The following MORN1 variants were observed in gnomAD, a reference collection of about 807,000 sequenced individuals.
The protein encoded by MORN1 is MORN repeat containing 1.
A neutral mutation model predicts 61.9 loss-of-function variants in MORN1; 67 were observed. The ratio of observed to expected loss-of-function variants is 1.08; its 90% CI spans 0.89 to 1.33. MORN1 has a LOEUF of 1.33. Among genes scored for constraint, MORN1 ranks in the 40% most tolerant of loss-of-function variants. The pLI, the probability that MORN1 is intolerant of heterozygous loss-of-function variation, is 0.00. For missense variants in MORN1, 752 were observed against 691.2 expected (o/e 1.09, Z -0.99); for synonymous variants, 301 against 292.0 (o/e 1.03, Z -0.31).
intron 8 of MORN1, among the ~76,000 whole-genome samples, chr1:2,364,775 A>T (rs1205507643): frequency 6.6e-6 from 1 of 152,102 alleles, no homozygotes; most frequent in East Asian, 1.9e-4. Context: ...AGCTTTCTAC[A>T]TATGGCTAGC....
chr1:2,342,852 ATTTTATTTTATTTTATTTATTTTAT>A (rs1641425480), intron 10 of MORN1, among the ~76,000 whole-genome samples: 1 of 101,326 alleles, frequency 9.9e-6, no homozygotes, highest in Non-Finnish European at 2.0e-5. Flanking sequence ...ATTTTATTTT[ATTTTATTTTATTTTATTTATTTTAT>A]TTTATTTTAT....
At chr1:2,322,754 C>G (rs919919965) in intron 13 of MORN1, 1 of 985,342 alleles carries the variant, frequency 1.0e-6, no homozygotes, top group African/African-American at 1.7e-5. Context: ...CCAGTGGTGG[C>G]CAAGGCGCTG....
At chr1:2,384,346 G>A (rs547781663) in intron 6 of MORN1, among the ~76,000 whole-genome samples, 5 of 152,316 alleles carry the variant, frequency 3.3e-5, no homozygotes, top group South Asian at 2.1e-4. Flanking sequence ...TCACGGGGCC[G>A]CTGCCCCATT....
intron 10 of MORN1, among the ~76,000 whole-genome samples, chr1:2,341,465 G>C (rs1641393142): frequency 1.3e-5 from 2 of 152,160 alleles, no homozygotes; most frequent in Admixed American, 1.3e-4. Flanking sequence ...GGCCAAAGCA[G>C]GCGGATCAGG....
At chr1:2,388,019 A>C in intron 3 of MORN1, 1 of 531,046 alleles carries the variant, frequency 1.9e-6, no homozygotes, top group Non-Finnish European at 3.3e-6. Context: ...TGGGACAGAT[A>C]AATCTTTATT....
intron 13 of MORN1, chr1:2,323,388 A>C: frequency 1.0e-6 from 1 of 985,412 alleles, no homozygotes. Flanking sequence ...CCAGAACCCC[A>C]GAGACACCAG....
intron 8 of MORN1, among the ~76,000 whole-genome samples, chr1:2,365,810 T>C (rs1641984769): frequency 6.6e-6 from 1 of 151,758 alleles, no homozygotes; most frequent in African/African-American, 2.4e-5. Flanking sequence ...TGGCAATCAT[T>C]AAAAAGTCAG....
In MORN1 at chr1:2,323,457, C is replaced by T. The variant is rs184792982; in HGVS notation, c.1297+640G>A. 62 of 985,416 alleles carry T rather than the reference C, an allele frequency of 6.3e-5. No individual in the cohort carries two copies. The African/African-American group carries it at 1.1e-3, about 17-fold the overall frequency. 61.0% of individuals were successfully genotyped at this position (985,416 alleles called of 1,614,324 possible). A position where few individuals can be genotyped will look rare whatever the true frequency, so the allele number is the denominator to read the frequency against. On this transcript the variant is annotated intron_variant, in intron 13 of 13. Coordinates refer to ENST00000378531, the MANE Select transcript of MORN1 (RefSeq NM_024848.3). ...AGAGGCTCCATTCTCCGTCAGGCAG[C>T]CAGTCAGCCGCGGTGCCCAGGTCCT...
intron 8 of MORN1, among the ~76,000 whole-genome samples, chr1:2,366,932 T>C (rs1642006841): frequency 6.6e-6 from 1 of 151,956 alleles, no homozygotes; most frequent in Non-Finnish European, 1.5e-5. Context: ...TATACATACA[T>C]ACACAGAATA....
chr1:2,349,882 T>A (rs1641608210), intron 10 of MORN1, among the ~76,000 whole-genome samples: 1 of 152,118 alleles, frequency 6.6e-6, no homozygotes, highest in Admixed American at 6.5e-5. Context: ...TGGGAGGGTT[T>A]TGTGCATGAA....
chr1:2,339,850 A>G (rs1253966813), intron 10 of MORN1, among the ~76,000 whole-genome samples: 2 of 152,128 alleles, frequency 1.3e-5, no homozygotes, highest in Non-Finnish European at 2.9e-5. Context: ...CGCATCCCCT[A>G]AAGAAAACGA....
rs768046114 is a variant in MORN1 at position 2,357,464 on chromosome 1, T to C, written c.1004A>G (p.His335Arg). 1.9e-6 allele frequency: 3 copies of C among 1,611,346 alleles called. No homozygotes were observed. Among genetic ancestry groups the C allele is most frequent in the Non-Finnish European group, 2.5e-6 (3 of 1,179,026 alleles). The change falls in exon 10 of 14, where the codon CAT becomes CGT. Residue 335 changes from histidine (H) to arginine (R), a missense_variant. By Grantham distance (29) the His-to-Arg change is conservative. Transcript: ENST00000378531. The surrounding 1 kb of genome is among the most constrained non-coding windows in gnomAD (Gnocchi z 6.3). ...GDLELHLGALHGQEDTPGGLL... is the reference protein window; with the variant it reads ...GDLELHLGALRGQEDTPGGLL... ...GCCACCAGGGGTGTCCTCCTGGCCATGGAGGGCACCCAAATGCAGCTCCAG... is the reference window on the plus strand; with the variant it reads ...GCCACCAGGGGTGTCCTCCTGGCCACGGAGGGCACCCAAATGCAGCTCCAG...
Position 2,385,864 on chromosome 1 carries a change from A to G in MORN1, c.392T>C (p.Val131Ala), listed in dbSNP as rs1258700760. Residue 131 changes from valine to alanine, a missense_variant, in exon 5 of 14, where the codon GTG becomes GCG. Physicochemically the swap from Val to Ala is moderately conservative, Grantham distance 64 (BLOSUM62 0). Coordinates refer to ENST00000378531, the MANE Select transcript of MORN1 (RefSeq NM_024848.3). Reference protein sequence around the residue: ...HGFLVDRDGQVYQGSFHDNKR... With the variant: ...HGFLVDRDGQAYQGSFHDNKR... ...GTTGTCATGGAAGGAGCCCTGGTAC[A>G]CTTGTCCATCCCGGTCCACCAGAAA... The G allele has an allele frequency of 1.2e-6, 2 of 1,613,830 alleles. No individual in the cohort carries two copies. The highest frequency in any genetic ancestry group is 1.7e-6 in the Non-Finnish European group (2 of 1,180,020).
At position 2,322,385 on chromosome 1, in the gene MORN1, G is replaced by C. The variant is rs1034614257; in HGVS notation, c.1298-806C>G. The C allele has an allele frequency of 9.1e-6, 9 of 985,218 alleles. No homozygotes were observed. The East Asian group carries it at 3.4e-4, about 37-fold the overall frequency. 61.0% of individuals were successfully genotyped at this position (985,218 alleles called of 1,614,324 possible). A position where few individuals can be genotyped will look rare whatever the true frequency, so the allele number is the denominator to read the frequency against. ...ATGGGGGCAGGAGTCGGCTCACACC[G>C]CAAGGCAGAGCAACATTCCAGACGC... On this transcript the variant is annotated intron_variant, in intron 13 of 13. Transcript: ENST00000378531.
In MORN1 at chr1:2,321,543, G is replaced by A. The variant is rs371150115; in HGVS notation, c.1334C>T (p.Pro445Leu). The change falls in exon 14 of 14, where the codon CCG (proline) becomes CTG (leucine). Residue 445 changes from proline (P) to leucine (L), a missense_variant. Pro to Leu is a moderately conservative substitution (Grantham distance 98). Coordinates refer to ENST00000378531, the MANE Select transcript of MORN1 (RefSeq NM_024848.3). Reference protein sequence around the residue: ...YVLMIRDVTTPPFLGRRLPPA... With the variant: ...YVLMIRDVTTLPFLGRRLPPA... ...GGGCAGCCTGCGCCCCAGGAACGGC[G>A]GGGTGGTCACGTCGCGGATCATGAG... is the stretch of plus-strand genomic sequence containing the variant. 86 of 1,527,818 alleles carry A rather than the reference G, an allele frequency of 5.6e-5. No homozygotes were observed. The highest frequency in any genetic ancestry group is 6.1e-5 in the Non-Finnish European group (69 of 1,136,048). The allele number at this position is 1,527,818 out of a possible 1,614,324, so 94.6% of individuals were successfully genotyped here. A position where few individuals can be genotyped will look rare whatever the true frequency, so the allele number is the denominator to read the frequency against.
intron 10 of MORN1, among the ~76,000 whole-genome samples, chr1:2,356,330 G>A (rs971628048): frequency 3.9e-5 from 6 of 152,144 alleles, no homozygotes; most frequent in South Asian, 2.1e-4. Context: ...GGGACGTCTC[G>A]TCAAACCTGG....
chr1:2,353,235 C>T (rs1310908240), intron 10 of MORN1, among the ~76,000 whole-genome samples: 1 of 152,260 alleles, frequency 6.6e-6, no homozygotes, highest in Non-Finnish European at 1.5e-5. Context: ...TTCATGCTTA[C>T]AAGGAAATGA....
At chr1:2,387,618 C>A in intron 3 of MORN1, 89 bp from the exon 4 acceptor site, 1 of 884,788 alleles carries the variant, frequency 1.1e-6, no homozygotes, top group South Asian at 1.3e-5. Context: ...GCCCATGACA[C>A]GCAGGAACCA....
chr1:2,363,724 T>C (rs1431567974), intron 8 of MORN1: 1 of 148,954 alleles, frequency 6.7e-6, no homozygotes, highest in African/African-American at 2.5e-5. Context: ...ATGATTTCAC[T>C]ACTGTACTTC....
Sources: allele counts gnomAD v4.1 joint callset (sites outside exome capture counted in the v4.1 genomes callset), GRCh38; gene constraint gnomAD v4.1.1; non-coding constraint Gnocchi (gnomAD v3.1); transcripts MANE v1.5; gene names NCBI Gene and HGNC (gene_info 2026-07-23, HGNC 2026-07-21).